The following KMT5B variants were observed in gnomAD, a reference collection of about 807,000 sequenced individuals.
KMT5B encodes histone-lysine N-methyltransferase KMT5B.
In KMT5B, 10 loss-of-function variants were observed where a neutral mutation model predicts 83.2. The ratio of observed to expected loss-of-function variants is 0.12; its 90% CI spans 0.07 to 0.20. The LOEUF is 0.20. Among genes scored for constraint, KMT5B ranks in the 10% least tolerant of loss-of-function variants. KMT5B has a pLI of 1.00. For missense variants in KMT5B, 753 were observed against 1,067.2 expected (o/e 0.71, Z 4.10); for synonymous variants, 349 against 388.8 (o/e 0.90, Z 1.20).
intron 1 of KMT5B, among the ~76,000 whole-genome samples, chr11:68,208,483 C>T (rs1334301720): frequency 6.6e-6 from 1 of 151,762 alleles, no homozygotes; most frequent in Non-Finnish European, 1.5e-5. Context: ...CCACTGTGCC[C>T]CATATTTGAA....
Position 68,171,503 on chromosome 11 carries a change from T to C in KMT5B, c.820+40A>G, listed in dbSNP as rs751706024. On this transcript the variant is annotated intron_variant, in intron 7 of 10. Coordinates refer to ENST00000304363, the MANE Select transcript of KMT5B (RefSeq NM_017635.5). The surrounding 1 kb of genome is among the most constrained non-coding windows in gnomAD (Gnocchi z 5.1). ...AGGCCATTCTAGCAGTTAGCAGGAA[T>C]GGCCAACACTAGCGCCAACACCTTG... is the stretch of plus-strand genomic sequence containing the variant. 1 of 1,592,490 alleles carries C rather than the reference T, an allele frequency of 6.3e-7. No individual in the cohort carries two copies. The highest frequency in any genetic ancestry group is 1.8e-5 in the Admixed American group (1 of 56,558).
At chr11:68,180,343 GT>G in intron 3 of KMT5B, 143 bp from the exon 4 acceptor site, 1 of 1,103,534 alleles carries the variant, frequency 9.1e-7, no homozygotes, top group East Asian at 2.6e-5. Flanking sequence ...GATACCACAG[GT>G]GGGCGCGGCA....
intron 1 of KMT5B, among the ~76,000 whole-genome samples, chr11:68,190,575 A>G (rs1857924184): frequency 6.6e-6 from 1 of 152,250 alleles, no homozygotes; most frequent in African/African-American, 2.4e-5. Flanking sequence ...AGACAGTGAT[A>G]TGGATAATCC....
At chr11:68,191,174 T>TGTGTGTGC (rs1491575949) in intron 1 of KMT5B, among the ~76,000 whole-genome samples, 27 of 16,806 alleles carry the variant, frequency 1.6e-3, no homozygotes, top group African/African-American at 7.3e-3. Context: ...TTTAAAACTT[T>TGTGTGTGC]GTGTGTGTGT....
At chr11:68,208,566 G>A (rs1180777465) in intron 1 of KMT5B, among the ~76,000 whole-genome samples, 1 of 152,230 alleles carries the variant, frequency 6.6e-6, no homozygotes, top group Non-Finnish European at 1.5e-5. Context: ...GGGAAGAGAT[G>A]TAAGTAAGTA....
chr11:68,185,348 G>A (rs1317077814), intron 3 of KMT5B, among the ~76,000 whole-genome samples: 1 of 152,190 alleles, frequency 6.6e-6, no homozygotes, highest in Non-Finnish European at 1.5e-5. Context: ...TGGGATTACA[G>A]GCATGTGCCA....
At chr11:68,213,595 C>A, upstream of KMT5B, 1 of 153,766 alleles carries the variant, frequency 6.5e-6, no homozygotes, top group South Asian at 1.8e-4. Context: ...CCTCATCGCC[C>A]CGCTGCCCTG....
intron 10 of KMT5B, chr11:68,165,674 A>G (rs1316344099): frequency 3.1e-6 from 4 of 1,286,624 alleles, no homozygotes; most frequent in South Asian, 2.0e-5. Flanking sequence ...AATGGGCTTC[A>G]CAAGTCTCCA....
intron 1 of KMT5B, among the ~76,000 whole-genome samples, chr11:68,211,696 G>A (rs1354256901): frequency 1.3e-5 from 2 of 152,198 alleles, no homozygotes; most frequent in African/African-American, 2.4e-5. Context: ...ATTCTCACGG[G>A]GCCTTTCTGA....
intron 1 of KMT5B, among the ~76,000 whole-genome samples, chr11:68,198,810 A>G (rs902507938): frequency 3.9e-5 from 6 of 152,066 alleles, no homozygotes; most frequent in Admixed American, 3.3e-4. Flanking sequence ...GCTCACTGCA[A>G]CCTCCGCTTC....
intron 4 of KMT5B, chr11:68,179,387 A>G (rs1473593908): frequency 5.0e-6 from 6 of 1,190,122 alleles, no homozygotes; most frequent in Admixed American, 2.4e-5. Flanking sequence ...AATGGCTGGT[A>G]TAAGAAAAAT....
At chr11:68,202,768 T>C (rs1272960022) in intron 1 of KMT5B, among the ~76,000 whole-genome samples, 1 of 151,810 alleles carries the variant, frequency 6.6e-6, no homozygotes, top group African/African-American at 2.4e-5. Flanking sequence ...GGGCTGGTCT[T>C]GAACTCTTGA....
Position 68,159,279 on chromosome 11 carries a change from G to A in KMT5B, c.1175-108C>T, listed in dbSNP as rs1045478163. Reference sequence around the variant, plus strand: ...TACAGCACGTTTAGATTACACAAACGCCAACACCACGGCTCCTGCTGCAGA... The same window carrying A: ...TACAGCACGTTTAGATTACACAAACACCAACACCACGGCTCCTGCTGCAGA... On this transcript the variant is annotated intron_variant, in intron 10 of 10. Coordinates refer to ENST00000304363, the MANE Select transcript of KMT5B (RefSeq NM_017635.5). The A allele has an allele frequency of 4.9e-6, 7 of 1,425,104 alleles. No homozygotes were observed. In the East Asian group the frequency reaches 9.7e-5, roughly 20 times the overall value. 88.3% of individuals were successfully genotyped at this position (1,425,104 alleles called of 1,614,324 possible). A position where few individuals can be genotyped will look rare whatever the true frequency, so the allele number is the denominator to read the frequency against.
At chr11:68,165,301 T>C (rs35680447) in intron 10 of KMT5B, among the ~76,000 whole-genome samples, 15,125 of 152,000 alleles carry the variant, frequency 0.1, 830 homozygotes, top group East Asian at 0.23. Flanking sequence ...GTCAGGAGAT[T>C]GAGACCATCC....
At chr11:68,202,933 G>A (rs947655479) in intron 1 of KMT5B, among the ~76,000 whole-genome samples, 5 of 152,010 alleles carry the variant, frequency 3.3e-5, no homozygotes, top group African/African-American at 9.7e-5. Flanking sequence ...TTCTTTTGAC[G>A]ATATACCCAG....
chr11:68,182,816 A>C (rs1452752604), intron 3 of KMT5B, among the ~76,000 whole-genome samples: 2 of 150,766 alleles, frequency 1.3e-5, no homozygotes, highest in Non-Finnish European at 2.9e-5. Flanking sequence ...GGCTCACCAC[A>C]ACCTCTGCCT....
intron 10 of KMT5B, among the ~76,000 whole-genome samples, chr11:68,165,003 A>G (rs1855188633): frequency 6.6e-6 from 1 of 152,242 alleles, no homozygotes; most frequent in South Asian, 2.1e-4. Context: ...ATAGTTAAAT[A>G]TTAGTACACC....
intron 4 of KMT5B, among the ~76,000 whole-genome samples, chr11:68,178,912 C>T (rs1856641666): frequency 6.6e-6 from 1 of 152,102 alleles, no homozygotes; most frequent in South Asian, 2.1e-4. Context: ...TACTCTGACA[C>T]TTAAAGGCCA....
intron 10 of KMT5B, among the ~76,000 whole-genome samples, chr11:68,160,293 C>A (rs1261631761): frequency 6.6e-6 from 1 of 152,194 alleles, no homozygotes; most frequent in Non-Finnish European, 1.5e-5. Context: ...CACTGACTTT[C>A]TGCTATGTTA....
Sources: gnomAD v4.1 joint callset for allele counts (sites outside exome capture counted in the v4.1 genomes callset) on GRCh38, gnomAD v4.1.1 for gene constraint, Gnocchi (gnomAD v3.1) non-coding constraint, MANE v1.5 for transcripts, NCBI Gene and HGNC (gene_info 2026-07-23, HGNC 2026-07-21) for gene names.